Variants in HSPA4 observed in about 807,000 individuals in gnomAD.
HSPA4 encodes the protein heat shock 70 kDa protein 4.
In HSPA4, 25 loss-of-function variants were observed where a neutral mutation model predicts 106.2. That is an observed-to-expected ratio of 0.24 (90% CI 0.17 to 0.33). The LOEUF (loss-of-function observed/expected upper bound fraction) is 0.33. Among genes scored for constraint, HSPA4 ranks in the 10% least tolerant of loss-of-function variants. The pLI is 1.00. For missense variants in HSPA4, 841 were observed against 996.0 expected (o/e 0.84, Z 2.10); for synonymous variants, 332 against 333.6 (o/e 1.00, Z 0.05).
intron 3 of HSPA4, among the ~76,000 whole-genome samples, chr5:133,070,058 T>G (rs373698470): frequency 2.2e-4 from 34 of 152,010 alleles, no homozygotes; most frequent in African/African-American, 8.2e-4. Context: ...TCCCCGCTAC[T>G]TGGGAGGCTG....
intron 15 of HSPA4, among the ~76,000 whole-genome samples, chr5:133,099,296 A>AT (rs1300465010): frequency 6.7e-6 from 1 of 149,854 alleles, no homozygotes; most frequent in African/African-American, 2.5e-5. Flanking sequence ...CGCCCGGGTA[A>AT]TTTTTTTTGT....
chr5:133,079,057 T>C (rs781778872), intron 7 of HSPA4, among the ~76,000 whole-genome samples: 77 of 152,308 alleles, frequency 5.1e-4, no homozygotes, highest in South Asian at 4.4e-3. Flanking sequence ...CTTTTAACAT[T>C]CACCTTTGTT....
At chr5:133,057,239 A>G (rs950097553) in intron 1 of HSPA4, among the ~76,000 whole-genome samples, 26 of 152,142 alleles carry the variant, frequency 1.7e-4, no homozygotes, top group African/African-American at 4.6e-4. Context: ...AGTTTTGCCT[A>G]TCAGTTGTAT....
chr5:133,067,138 A>T (rs551094641), intron 2 of HSPA4, among the ~76,000 whole-genome samples: 3 of 152,314 alleles, frequency 2.0e-5, no homozygotes, highest in Non-Finnish European at 4.4e-5. Flanking sequence ...GAAGTTTAAG[A>T]ACAGAAAATA....
intron 16 of HSPA4, among the ~76,000 whole-genome samples, chr5:133,101,023 T>A (rs1460799381): frequency 6.6e-6 from 1 of 152,062 alleles, no homozygotes; most frequent in African/African-American, 2.4e-5. Flanking sequence ...CAGACTGGTA[T>A]GGGTACTCCT....
At position 133,092,728 on chromosome 5, in the gene HSPA4, A is replaced by T. The variant is rs1287906733; in HGVS notation, c.1589A>T (p.His530Leu). ...EKMQVDQEEP[H>L]VEEQQQQTPA... is the part of the protein sequence containing the mutation. ...ATGCAAGTGGACCAGGAGGAACCAC[A>T]TGTTGAAGAGCAACAGCAGCAGACA... The change falls in exon 13 of 19, where the codon CAT becomes CTT. Residue 530 changes from histidine (H) to leucine (L), a missense_variant. Physicochemically the swap from His to Leu is moderately conservative, Grantham distance 99. Around this residue, in one of 5 missense-constraint regions of HSPA4, gnomAD observed 328 missense variants for 372.2 expected, o/e 0.88. Coordinates refer to ENST00000304858, the MANE Select transcript of HSPA4 (RefSeq NM_002154.4). The T allele has an allele frequency of 6.2e-7, 1 of 1,612,894 alleles. No individual in the cohort carries two copies. The highest frequency in any genetic ancestry group is 1.3e-5 in the African/African-American group (1 of 74,772).
At chr5:133,097,129 A>G (rs201349745) in intron 14 of HSPA4, 32 bp from the exon 15 acceptor site, 2 of 1,570,338 alleles carry the variant, frequency 1.3e-6, no homozygotes, top group East Asian at 2.3e-5. Context: ...AGTTGTCCTA[A>G]TGTCTGATTT....
At chr5:133,081,434 G>T (rs1372651091) in intron 7 of HSPA4, among the ~76,000 whole-genome samples, 1 of 152,114 alleles carries the variant, frequency 6.6e-6, no homozygotes, top group African/African-American at 2.4e-5. Flanking sequence ...GCTTAGTTTG[G>T]ATTTTTTAAT....
Position 133,052,216 on chromosome 5 carries a change from G to A in HSPA4, c.-35G>A, listed in dbSNP as rs751412104. The A allele has an allele frequency of 2.7e-6, 4 of 1,469,494 alleles. No homozygotes were observed. The highest frequency in any genetic ancestry group is 1.9e-5 in the Admixed American group (1 of 52,184). The allele number at this position is 1,469,494 out of a possible 1,614,324, so 91.0% of individuals were successfully genotyped here. ...GGGTCCGTGTCCTGTCTCGGTGGCC[G>A]GACCCGGGCCCGAGCCCGAGCAGTA... is the stretch of plus-strand genomic sequence containing the variant. On this transcript the variant is annotated 5_prime_UTR_variant, in exon 1 of 19. Transcript: ENST00000304858.
intron 1 of HSPA4, among the ~76,000 whole-genome samples, chr5:133,062,553 G>A (rs1001267368): frequency 5.3e-5 from 8 of 152,174 alleles, no homozygotes; most frequent in African/African-American, 9.6e-5. Flanking sequence ...AGACATTTAC[G>A]TGGTAGTGAG....
At chr5:133,070,133 C>T (rs1047208716) in intron 3 of HSPA4, among the ~76,000 whole-genome samples, 2 of 151,840 alleles carry the variant, frequency 1.3e-5, no homozygotes, top group African/African-American at 4.8e-5. Context: ...TGCCACGGCG[C>T]TCCAGAGAGA....
intron 7 of HSPA4, among the ~76,000 whole-genome samples, chr5:133,081,854 A>G (rs1456399723): frequency 6.6e-6 from 1 of 152,138 alleles, no homozygotes; most frequent in Non-Finnish European, 1.5e-5. Flanking sequence ...GACAGAGGGA[A>G]AGCCTCTCAA....
chr5:133,088,615 G>C (rs918327778), intron 9 of HSPA4, 60 bp downstream of exon 9: 2 of 1,426,720 alleles, frequency 1.4e-6, no homozygotes, highest in African/African-American at 2.8e-5. Context: ...GATGGCAGTG[G>C]TTTATGTATC....
intron 1 of HSPA4, among the ~76,000 whole-genome samples, chr5:133,055,244 A>C (rs1263264066): frequency 6.9e-6 from 1 of 144,602 alleles, no homozygotes; most frequent in East Asian, 2.1e-4. Flanking sequence ...TATGATTTTG[A>C]TTCACTTTGA....
At chr5:133,080,680 ATT>A (rs200859110) in intron 7 of HSPA4, among the ~76,000 whole-genome samples, 1 of 149,462 alleles carries the variant, frequency 6.7e-6, no homozygotes, top group African/African-American at 2.5e-5. Flanking sequence ...ATATATATAT[ATT>A]TTTTTTTAGT....
intron 1 of HSPA4, among the ~76,000 whole-genome samples, chr5:133,054,656 T>C (rs1765136460): frequency 6.6e-6 from 1 of 152,220 alleles, no homozygotes; most frequent in Non-Finnish European, 1.5e-5. Flanking sequence ...TAGCAGTTTA[T>C]TTTCCCTATT....
intron 1 of HSPA4, among the ~76,000 whole-genome samples, chr5:133,056,178 T>A (rs188741253): frequency 6.6e-5 from 10 of 151,870 alleles, no homozygotes; most frequent in African/African-American, 2.4e-4. Context: ...GAGGAAGAGT[T>A]GTTCCAGGCA....
intron 1 of HSPA4, among the ~76,000 whole-genome samples, chr5:133,056,022 G>A (rs995233836): frequency 2.6e-5 from 4 of 152,068 alleles, no homozygotes; most frequent in Admixed American, 2.0e-4. Context: ...AGGTTGCAGT[G>A]AACCGAGATC....
intron 7 of HSPA4, among the ~76,000 whole-genome samples, chr5:133,079,895 A>G (rs1765492704): frequency 6.6e-6 from 1 of 152,230 alleles, no homozygotes; most frequent in African/African-American, 2.4e-5. Flanking sequence ...AGTGTTCCTT[A>G]AGTTCCTGCA....
Sources: gnomAD v4.1 joint callset for allele counts (sites outside exome capture counted in the v4.1 genomes callset) on GRCh38, gnomAD v4.1.1 for gene constraint, gnomAD v4.1.1 regional missense constraint, MANE v1.5 for transcripts, NCBI Gene and HGNC (gene_info 2026-07-23, HGNC 2026-07-21) for gene names.